RBFOX1: variants seen among roughly 807,000 people sequenced by gnomAD.
RBFOX1 encodes RNA binding fox-1 homolog 1.
A neutral mutation model predicts 57.7 loss-of-function variants in RBFOX1; 8 were observed. That is an observed-to-expected ratio of 0.14 (90% confidence interval 0.08 to 0.25). The LOEUF (loss-of-function observed/expected upper bound fraction) is 0.25. Ranked by LOEUF, RBFOX1 falls within the 10% of genes least tolerant of loss-of-function variation. RBFOX1 has a pLI of 1.00. For synonymous variants in RBFOX1, 326 were observed against 222.4 expected (o/e 1.47, Z -4.15); for missense variants, 611 against 548.5 (o/e 1.11, Z -1.14).
chr16:6,722,717 G>C (rs148752909), intron 3 of RBFOX1, among the ~76,000 whole-genome samples: 1 of 152,288 alleles, frequency 6.6e-6, no homozygotes, highest in Non-Finnish European at 1.5e-5. Context: ...TAAATGATTT[G>C]TAGAAGCAGT....
At chr16:7,110,338 G>A (rs1259784608) in intron 4 of RBFOX1, among the ~76,000 whole-genome samples, 1 of 152,066 alleles carries the variant, frequency 6.6e-6, no homozygotes, top group African/African-American at 2.4e-5. Context: ...TCCAGCTTGG[G>A]TGACAGAGCA....
chr16:6,872,114 T>C (rs188403387), intron 3 of RBFOX1, among the ~76,000 whole-genome samples: 65 of 152,328 alleles, frequency 4.3e-4, no homozygotes, highest in African/African-American at 1.4e-3. Flanking sequence ...GTACCTGTTA[T>C]GTTTTAATAT....
chr16:7,709,496 C>G (rs1185326756), intron 15 of RBFOX1: 1 of 1,499,358 alleles, frequency 6.7e-7, no homozygotes, highest in East Asian at 2.5e-5. Flanking sequence ...TCACATAGCC[C>G]CAAGGTTCCA....
intron 4 of RBFOX1, among the ~76,000 whole-genome samples, chr16:5,929,429 C>T (rs569424041): frequency 1.3e-5 from 2 of 152,226 alleles, no homozygotes; most frequent in African/African-American, 4.8e-5. Context: ...AGCTATGTGA[C>T]GTTGAGCAAT....
chr16:7,115,126 T>G (rs908129758), intron 4 of RBFOX1, among the ~76,000 whole-genome samples: 2 of 152,238 alleles, frequency 1.3e-5, no homozygotes, highest in African/African-American at 4.8e-5. Context: ...CGATTAAGTT[T>G]CCAACGTGTA....
intron 3 of RBFOX1, among the ~76,000 whole-genome samples, chr16:7,000,055 G>C (rs1055448593): frequency 1.4e-5 from 2 of 144,336 alleles, no homozygotes; most frequent in African/African-American, 5.1e-5. Context: ...CTGGGCAACA[G>C]GGAGACTCTG....
At chr16:6,315,183 A>C (rs1222841350) in intron 1 of RBFOX1, among the ~76,000 whole-genome samples, 1 of 152,254 alleles carries the variant, frequency 6.6e-6, no homozygotes, top group East Asian at 1.9e-4. Context: ...AATGATGAAG[A>C]AACTCAGACA....
intron 4 of RBFOX1, among the ~76,000 whole-genome samples, chr16:7,500,326 C>T (rs778671954): frequency 2.9e-4 from 44 of 152,164 alleles, no homozygotes; most frequent in Non-Finnish European, 5.4e-4. Context: ...GTAGGAACTT[C>T]AATACTGTGT....
chr16:6,614,298 A>G (rs2098113384), intron 2 of RBFOX1, among the ~76,000 whole-genome samples: 1 of 152,184 alleles, frequency 6.6e-6, no homozygotes, highest in Non-Finnish European at 1.5e-5. Context: ...TGAGTCTTAC[A>G]CTGGATGGAC....
intron 1 of RBFOX1, among the ~76,000 whole-genome samples, chr16:6,311,295 C>CAAA (rs71145210): frequency 0.027 from 2,429 of 90,808 alleles, 138 homozygotes; most frequent in African/African-American, 0.085. Flanking sequence ...GACTCTGTCT[C>CAAA]AAAAAAAAAA....
intron 4 of RBFOX1, among the ~76,000 whole-genome samples, chr16:7,292,832 C>G (rs768627152): frequency 1.3e-4 from 19 of 151,892 alleles, no homozygotes; most frequent in Non-Finnish European, 2.6e-4. Context: ...TGTAATGGAG[C>G]GTACAGGTTT....
chr16:7,219,963 C>T (rs1422045147), intron 4 of RBFOX1, among the ~76,000 whole-genome samples: 1 of 152,128 alleles, frequency 6.6e-6, no homozygotes, highest in Non-Finnish European at 1.5e-5. Flanking sequence ...TGAATTCAAA[C>T]CAATTGAATC....
intron 1 of RBFOX1, among the ~76,000 whole-genome samples, chr16:6,148,100 G>A (rs1302708960): frequency 3.9e-5 from 6 of 152,154 alleles, no homozygotes; most frequent in Non-Finnish European, 7.4e-5. Flanking sequence ...AGGCCGAGGC[G>A]GGTGGATCAC....
At chr16:7,659,708 C>G (rs148157842) in intron 12 of RBFOX1, among the ~76,000 whole-genome samples, 98 of 152,346 alleles carry the variant, frequency 6.4e-4, no homozygotes, top group African/African-American at 2.3e-3. Context: ...TTTGGACAAG[C>G]TGCCTTTGCA....
chr16:6,163,254 C>T (rs1368304952), intron 1 of RBFOX1, among the ~76,000 whole-genome samples: 3 of 152,172 alleles, frequency 2.0e-5, no homozygotes, highest in Admixed American at 2.0e-4. Flanking sequence ...TAGAGTGTTT[C>T]ATACGTTACT....
intron 2 of RBFOX1, among the ~76,000 whole-genome samples, chr16:6,336,936 A>C (rs557091679): frequency 8.5e-5 from 13 of 152,178 alleles, no homozygotes; most frequent in Non-Finnish European, 1.8e-4. Context: ...GCAATCTACT[A>C]TCTGCAAAAT....
chr16:7,350,644 G>T (rs1195644658), intron 4 of RBFOX1, among the ~76,000 whole-genome samples: 3 of 152,126 alleles, frequency 2.0e-5, no homozygotes, highest in African/African-American at 4.8e-5. Context: ...TGGTGAAGAC[G>T]ACCAGTACCA....
At chr16:7,589,399 A>G (rs1344210748) in intron 7 of RBFOX1, among the ~76,000 whole-genome samples, 1 of 152,198 alleles carries the variant, frequency 6.6e-6, no homozygotes, top group Non-Finnish European at 1.5e-5. Flanking sequence ...TTTTTAAGAC[A>G]TCTTCCGTCA....
chr16:6,183,689 G>C (rs12928161), intron 1 of RBFOX1, among the ~76,000 whole-genome samples: 2 of 151,758 alleles, frequency 1.3e-5, no homozygotes, highest in Admixed American at 6.6e-5. Flanking sequence ...AGGAACGGCC[G>C]GTGTAAAGAC....
Sources: gnomAD v4.1 joint callset for allele counts (sites outside exome capture counted in the v4.1 genomes callset) on GRCh38, gnomAD v4.1.1 for gene constraint, MANE v1.5 for transcripts, NCBI Gene and HGNC (gene_info 2026-07-23, HGNC 2026-07-21) for gene names.